The following TAOK1 variants were observed in gnomAD, a reference collection of about 807,000 sequenced individuals.
TAOK1 encodes serine/threonine-protein kinase TAO1.
In TAOK1, 21 loss-of-function variants were observed where a neutral mutation model predicts 138.3. The ratio of observed to expected loss-of-function variants is 0.15; its 90% CI spans 0.11 to 0.22. The LOEUF is 0.22. TAOK1 is among the 10% of genes least tolerant of loss of function. TAOK1 has a pLI of 1.00. For synonymous variants in TAOK1, 361 were observed against 398.4 expected, an observed-to-expected ratio of 0.91 and a Z score of 1.12; for missense variants, 651 against 1,227.7, an observed-to-expected ratio of 0.53 and a Z score of 7.02.
intron 3 of TAOK1, among the ~76,000 whole-genome samples, chr17:29,471,161 A>AT (rs1555563223): frequency 2.2e-4 from 33 of 149,118 alleles, no homozygotes; most frequent in African/African-American, 3.9e-4. Flanking sequence ...TCATCTAAAA[A>AT]ATATATATAT....
At chr17:29,518,922 A>G (rs1034630221) in intron 16 of TAOK1, among the ~76,000 whole-genome samples, 13 of 151,906 alleles carry the variant, frequency 8.6e-5, no homozygotes, top group Admixed American at 5.2e-4. Context: ...GTGCATCACC[A>G]CACCCAGCTA....
rs189127930 is a variant in TAOK1, at chr17:29,399,982, T to A, written c.-95+8958T>A. Among the ~76,000 whole-genome samples, 507 of 152,308 alleles carry A rather than the reference T, an allele frequency of 3.3e-3. 3 individuals carry two copies. Among genetic ancestry groups the A allele is most frequent in the Non-Finnish European group, 5.9e-3 (402 of 68,022 alleles). On this transcript the variant is annotated intron_variant, in intron 1 of 19. Transcript: ENST00000261716. Reference sequence around the variant, plus strand: ...TCTGAGTTTAAGTGATCCTTCTGCCTTGTTCTCCCAAAGTGGTGAGATTAT... The same window carrying A: ...TCTGAGTTTAAGTGATCCTTCTGCCATGTTCTCCCAAAGTGGTGAGATTAT...
intron 1 of TAOK1, among the ~76,000 whole-genome samples, chr17:29,417,129 C>T (rs1567712497): frequency 6.6e-6 from 1 of 152,124 alleles, no homozygotes; most frequent in Non-Finnish European, 1.5e-5. Context: ...TTCTGCCTGC[C>T]TCAGCCTCCT....
intron 1 of TAOK1, among the ~76,000 whole-genome samples, chr17:29,430,723 T>C (rs1905800246): frequency 6.6e-6 from 1 of 152,218 alleles, no homozygotes; most frequent in Non-Finnish European, 1.5e-5. Context: ...CATCTTCCTC[T>C]GAGAGACATG....
intron 1 of TAOK1, among the ~76,000 whole-genome samples, chr17:29,414,089 T>TAG (rs551663635): frequency 7.8e-4 from 118 of 151,998 alleles, no homozygotes; most frequent in Non-Finnish European, 1.2e-3. Flanking sequence ...TTCACTGTGT[T>TAG]AGCCAGGATG....
At chr17:29,477,045 C>T (rs1318637002) in intron 4 of TAOK1, among the ~76,000 whole-genome samples, 4 of 152,080 alleles carry the variant, frequency 2.6e-5, no homozygotes, top group Admixed American at 2.6e-4. Context: ...TGGGGTTTCA[C>T]CGTGTGTGCC....
At chr17:29,407,520 A>G (rs1905027334) in intron 1 of TAOK1, among the ~76,000 whole-genome samples, 1 of 151,378 alleles carries the variant, frequency 6.6e-6, no homozygotes. Flanking sequence ...ATCATGGCTC[A>G]CTGCAACCTT....
intron 1 of TAOK1, among the ~76,000 whole-genome samples, chr17:29,440,844 G>A (rs1409403791): frequency 6.6e-6 from 1 of 152,142 alleles, no homozygotes; most frequent in African/African-American, 2.4e-5. Flanking sequence ...CTACAGTGCT[G>A]GGATTACAGG....
intron 8 of TAOK1, among the ~76,000 whole-genome samples, chr17:29,485,039 A>G (rs1482486968): frequency 6.6e-6 from 1 of 152,176 alleles, no homozygotes; most frequent in African/African-American, 2.4e-5. Flanking sequence ...CAATTTTACC[A>G]TTATTGGTCT....
At chr17:29,516,302 T>C (rs2031813196) in intron 15 of TAOK1, among the ~76,000 whole-genome samples, 1 of 151,980 alleles carries the variant, frequency 6.6e-6, no homozygotes, top group African/African-American at 2.4e-5. Context: ...AATGATAATA[T>C]TCACGTAGGT....
chr17:29,534,303 A>G lies in TAOK1; in HGVS notation c.2544+3A>G, dbSNP rs1383163409. ...GGAGGGCACTCTTAGAACAAAAGGT[A>G]TAAGTAATAGAAGGAAAAATCATTG... On this transcript the variant is annotated splice_donor_region_variant and intron_variant, in intron 19 of 19. Transcript: ENST00000261716. 1 of 1,554,758 alleles carries G rather than the reference A, an allele frequency of 6.4e-7. No homozygotes were observed. The highest frequency in any genetic ancestry group is 8.7e-7 in the Non-Finnish European group (1 of 1,152,274).
At chr17:29,532,487 C>T (rs1251720044) in intron 18 of TAOK1, among the ~76,000 whole-genome samples, 1 of 151,878 alleles carries the variant, frequency 6.6e-6, no homozygotes, top group African/African-American at 2.4e-5. Flanking sequence ...GGCAGAGGAC[C>T]CTTCGGCCTT....
chr17:29,476,495 A>AC (rs1398227217), intron 4 of TAOK1, among the ~76,000 whole-genome samples: 5 of 152,158 alleles, frequency 3.3e-5, no homozygotes, highest in Non-Finnish European at 7.3e-5. Context: ...TACTAATAGG[A>AC]CCTACCTCAT....
intron 8 of TAOK1, 29 bp downstream of exon 8, chr17:29,482,317 TAA>T: frequency 6.5e-7 from 1 of 1,533,352 alleles, no homozygotes; most frequent in Non-Finnish European, 9.0e-7. Context: ...TACTATGGAT[TAA>T]GTTTTGATCA....
rs2032378623 is a variant in TAOK1 at position 29,544,972 on chromosome 17, G to A, written c.*1950G>A. 1 of 152,190 alleles carries A rather than the reference G, an allele frequency of 6.6e-6. No individual in the cohort carries two copies. Among genetic ancestry groups the A allele is most frequent in the Admixed American group, 6.5e-5 (1 of 15,274 alleles). The allele number at this position is 152,190 out of a possible 1,614,324, so 9.4% of individuals were successfully genotyped here. ...CCAGGTATGTCAGTCGAGTTGCCAT[G>A]AATCCTCACCTGTAGGAGTTTCTGG... On this transcript the variant is annotated 3_prime_UTR_variant, in exon 20 of 20. Coordinates refer to ENST00000261716, the MANE Select transcript of TAOK1 (RefSeq NM_020791.4).
chr17:29,541,783 A>C (rs946475331), intron 19 of TAOK1, among the ~76,000 whole-genome samples: 7 of 152,120 alleles, frequency 4.6e-5, no homozygotes, highest in Non-Finnish European at 8.8e-5. Flanking sequence ...CTCAAAAAAA[A>C]AGAAAAAAAG....
At chr17:29,416,148 A>T (rs1247109939) in intron 1 of TAOK1, among the ~76,000 whole-genome samples, 1 of 151,962 alleles carries the variant, frequency 6.6e-6, no homozygotes. Context: ...CCTGTAATCC[A>T]AGCTACTGGG....
At position 29,451,486 on chromosome 17, in the gene TAOK1, G is replaced by A. The variant is rs2030233675; in HGVS notation, c.-63G>A. The stretch of plus-strand genomic sequence containing the variant: ...ATGCCAACGTGACTTCATTCATACA[G>A]ATGAACCAAGGATCGGGATAGCAGT... On this transcript the variant is annotated 5_prime_UTR_variant, in exon 2 of 20. Transcript: ENST00000261716. The A allele has an allele frequency of 6.6e-6, 10 of 1,511,890 alleles. No individual in the cohort carries two copies. The allele number at this position is 1,511,890 out of a possible 1,614,324, so 93.7% of individuals were successfully genotyped here. A position where few individuals can be genotyped will look rare whatever the true frequency, so the allele number is the denominator to read the frequency against.
At position 29,396,932 on chromosome 17, in the gene TAOK1, C is replaced by T. The variant is rs1233298535; in HGVS notation, c.-95+5908C>T. On this transcript the variant is annotated intron_variant, in intron 1 of 19. Transcript: ENST00000261716. Reference sequence around the variant, plus strand: ...GCTGGAACTTGGGAGGTAGTGGTTGCAGTGAGCTGAGATTGTGCCACTGCA... The same window carrying T: ...GCTGGAACTTGGGAGGTAGTGGTTGTAGTGAGCTGAGATTGTGCCACTGCA... Among the ~76,000 whole-genome samples, 4 of 135,350 alleles carry T rather than the reference C, an allele frequency of 3.0e-5. No homozygotes were observed. The Admixed American group carries it at 3.4e-4, about 11-fold the overall frequency. 88.8% of individuals were successfully genotyped at this position (135,350 alleles called of 152,430 possible).
Sources: allele counts gnomAD v4.1 joint callset (sites outside exome capture counted in the v4.1 genomes callset), GRCh38; gene constraint gnomAD v4.1.1; transcripts MANE v1.5; gene names NCBI Gene and HGNC (gene_info 2026-07-23, HGNC 2026-07-21).